TACR1: variants seen among roughly 807,000 people sequenced by gnomAD.
The protein encoded by TACR1 is tachykinin receptor 1.
TACR1 carries 25 observed loss-of-function variants against 35.8 expected under a neutral mutation model. The ratio of observed to expected loss-of-function variants is 0.70; its 90% CI spans 0.51 to 0.98. The LOEUF is 0.98. Among genes scored for constraint, TACR1 ranks in the 50% least tolerant of loss-of-function variants. The pLI is 0.00. For missense variants in TACR1, 478 were observed against 522.9 expected, an observed-to-expected ratio of 0.91 and a Z score of 0.84; for synonymous variants, 195 against 206.7, an observed-to-expected ratio of 0.94 and a Z score of 0.48.
Position 75,114,831 on chromosome 2 carries a change from A to C in TACR1, c.584+5743T>G, listed in dbSNP as rs572216962. Among the ~76,000 whole-genome samples, 4 of 152,310 alleles carry C rather than the reference A, an allele frequency of 2.6e-5. No individual in the cohort carries two copies. The South Asian group carries it at 8.3e-4, about 32-fold the overall frequency. ...CTAATTATTGCAGGACTTAATTACAAATTATGATAATATTATATTAATGAT... is the reference window on the plus strand; with the variant it reads ...CTAATTATTGCAGGACTTAATTACACATTATGATAATATTATATTAATGAT... On this transcript the variant is annotated intron_variant, in intron 2 of 4. Transcript: ENST00000305249.
rs370478663 is a variant in TACR1 at position 75,121,266 on chromosome 2, C to A, written c.390-498G>T. Among the ~76,000 whole-genome samples the A allele has an allele frequency of 4.3e-4, 65 of 152,268 alleles. 1 individual carries two copies. Among genetic ancestry groups the A allele is most frequent in the South Asian group, 3.7e-3 (18 of 4,820 alleles). The stretch of plus-strand genomic sequence containing the variant: ...AGGGGAAGTAAACATGTCTCTGTGA[C>A]AAAGCATTGGCCTAAAGTCAGCAAA... On this transcript the variant is annotated intron_variant, in intron 1 of 4. Coordinates refer to ENST00000305249, the MANE Select transcript of TACR1 (RefSeq NM_001058.4).
At chr2:75,116,651 G>A (rs1291465720) in intron 2 of TACR1, among the ~76,000 whole-genome samples, 6 of 152,152 alleles carry the variant, frequency 3.9e-5, no homozygotes, top group Non-Finnish European at 8.8e-5. Context: ...GCTTATGCCT[G>A]CAATCCCAGC....
Position 75,053,621 on chromosome 2 carries a change from A to T in TACR1, c.719T>A (p.Val240Asp), listed in dbSNP as rs148906237. The T allele has an allele frequency of 2.6e-6, 4 of 1,558,930 alleles. No homozygotes were observed. In the African/African-American group the frequency reaches 4.1e-5, roughly 16 times the overall value. Residue 240 changes from valine to aspartate, a missense_variant, in exon 3 of 5, where the codon GTC becomes GAC. Physicochemically the swap from Val to Asp is radical, Grantham distance 152. Transcript: ENST00000305249. ...GDSSDRYHEQ[V>D]SAKRKVVKMM... The stretch of plus-strand genomic sequence containing the variant: ...CCTGCTCACCTTGCGCTTGGCAGAG[A>T]CTTGCTCGTGGTAGCGGTCAGAGGA...
chr2:75,162,860 AAT>A (rs1675044855), intron 1 of TACR1, among the ~76,000 whole-genome samples: 1 of 152,208 alleles, frequency 6.6e-6, no homozygotes, highest in Non-Finnish European at 1.5e-5. Context: ...TCCCAGTTAC[AAT>A]CTGCTATACT....
At position 75,046,916 on chromosome 2, in the gene TACR1, A is replaced by G. The variant is rs1396597861; in HGVS notation, c.*2516T>C. 2 of 152,358 alleles carry G rather than the reference A, an allele frequency of 1.3e-5. No homozygotes were observed. Among genetic ancestry groups the G allele is most frequent in the Admixed American group, 6.5e-5 (1 of 15,304 alleles). The allele number at this position is 152,358 out of a possible 1,614,324, so 9.4% of individuals were successfully genotyped here. On this transcript the variant is annotated 3_prime_UTR_variant, in exon 5 of 5. Transcript: ENST00000305249. ...TCTATTACTACTGGACATTACACCA[A>G]GTAAACACACTTGGATAAACACAGG...
At chr2:75,162,652 C>T (rs1036747549) in intron 1 of TACR1, among the ~76,000 whole-genome samples, 4 of 152,170 alleles carry the variant, frequency 2.6e-5, no homozygotes, top group Non-Finnish European at 5.9e-5. Flanking sequence ...GAACACAGTT[C>T]CCTGTAATTG....
chr2:75,051,780 G>T (rs1351451961), intron 3 of TACR1, among the ~76,000 whole-genome samples: 3 of 152,206 alleles, frequency 2.0e-5, no homozygotes, highest in Non-Finnish European at 4.4e-5. Context: ...AAACCCTTCA[G>T]ATGATTCTGA....
intron 1 of TACR1, among the ~76,000 whole-genome samples, chr2:75,179,440 C>T (rs996361447): frequency 3.9e-5 from 6 of 152,168 alleles, no homozygotes; most frequent in African/African-American, 1.4e-4. Context: ...CACACATCAG[C>T]CAAATGATCT....
intron 1 of TACR1, among the ~76,000 whole-genome samples, chr2:75,139,933 A>G (rs1674368133): frequency 1.3e-5 from 2 of 152,220 alleles, no homozygotes; most frequent in Admixed American, 6.5e-5. Flanking sequence ...AATGTAGCTC[A>G]TTAATTCTAG....
chr2:75,103,029 C>T (rs1427297489), intron 2 of TACR1, among the ~76,000 whole-genome samples: 1 of 152,174 alleles, frequency 6.6e-6, no homozygotes, highest in Non-Finnish European at 1.5e-5. Context: ...TATTTCTTTA[C>T]ACTAATAAAA....
intron 3 of TACR1, among the ~76,000 whole-genome samples, 156 bp from the exon 4 acceptor site, chr2:75,051,603 A>G (rs1203871085): frequency 6.6e-6 from 1 of 152,134 alleles, no homozygotes; most frequent in Non-Finnish European, 1.5e-5. Context: ...TCTTTACTAT[A>G]TGGTGCTACA....
rs200291656 is a variant in TACR1 at position 75,107,821 on chromosome 2, T to TA, written c.584+12752dup. Among the ~76,000 whole-genome samples, 1,107 of 151,874 alleles carry TA rather than the reference T, an allele frequency of 7.3e-3. 5 individuals are homozygous for TA. Among genetic ancestry groups the TA allele is most frequent in the Admixed American group, 0.011 (171 of 15,248 alleles). ...CAGAAAATGTGCATTTAAACGAACTTAGGTAGGGGGAGAAAAATAAAGATA... is the reference window on the plus strand; with the variant it reads ...CAGAAAATGTGCATTTAAACGAACTTAAGGTAGGGGGAGAAAAATAAAGATA... On this transcript the variant is annotated intron_variant, in intron 2 of 4. Transcript: ENST00000305249.
At chr2:75,051,644 T>C (rs543402502) in intron 3 of TACR1, among the ~76,000 whole-genome samples, 197 bp from the exon 4 acceptor site, 3 of 152,284 alleles carry the variant, frequency 2.0e-5, no homozygotes, top group African/African-American at 4.8e-5. Flanking sequence ...GTTCTCAGAG[T>C]GTGGTCCCAA....
chr2:75,063,765 A>C (rs1049452274), intron 2 of TACR1, among the ~76,000 whole-genome samples: 2 of 152,234 alleles, frequency 1.3e-5, no homozygotes, highest in East Asian at 3.8e-4. Flanking sequence ...ACCGACCTGG[A>C]TTACTCTGGT....
At chr2:75,151,974 A>G (rs1161284077) in intron 1 of TACR1, among the ~76,000 whole-genome samples, 3 of 152,120 alleles carry the variant, frequency 2.0e-5, no homozygotes, top group Admixed American at 6.6e-5. Context: ...TCAGACTTGC[A>G]TGAGCCCTGT....
intron 2 of TACR1, among the ~76,000 whole-genome samples, chr2:75,084,244 T>C (rs1673148553): frequency 1.3e-5 from 2 of 152,260 alleles, no homozygotes. Context: ...GATTTGCATC[T>C]ATTGAACCAG....
chr2:75,125,677 A>G (rs1262644144), intron 1 of TACR1, among the ~76,000 whole-genome samples: 1 of 152,196 alleles, frequency 6.6e-6, no homozygotes, highest in Non-Finnish European at 1.5e-5. Flanking sequence ...CATACATGTT[A>G]TACCTTTATT....
Position 75,049,724 on chromosome 2 carries a change from C to G in TACR1, c.933-1G>C. The G allele has an allele frequency of 1.2e-6, 2 of 1,611,408 alleles. No individual in the cohort carries two copies. Among genetic ancestry groups the G allele is most frequent in the Non-Finnish European group, 1.7e-6 (2 of 1,178,256 alleles). On this transcript the variant is annotated splice_acceptor_variant, in intron 4 of 4. Transcript: ENST00000305249. LOFTEE classifies it high-confidence loss of function. ...GGCATGCTTGAAGCCCAGACGGAACCTGGAGAGCGAGCAGATGAAGAGGTG... is the reference window on the plus strand; with the variant it reads ...GGCATGCTTGAAGCCCAGACGGAACGTGGAGAGCGAGCAGATGAAGAGGTG...
rs1244478625 is a variant in TACR1 at position 75,049,130 on chromosome 2, C to T, written c.*302G>A. The T allele has an allele frequency of 8.4e-6, 3 of 357,906 alleles. No homozygotes were observed. Among genetic ancestry groups the T allele is most frequent in the African/African-American group, 6.2e-5 (3 of 48,644 alleles). The allele number at this position is 357,906 out of a possible 1,614,324, so 22.2% of individuals were successfully genotyped here. A position where few individuals can be genotyped will look rare whatever the true frequency, so the allele number is the denominator to read the frequency against. ...TCCTGAAATGAGCACTCGCATGCAG[C>T]CAAAGTCACTTCCAGAATGGAATGA... On this transcript the variant is annotated 3_prime_UTR_variant, in exon 5 of 5. Coordinates refer to ENST00000305249, the MANE Select transcript of TACR1 (RefSeq NM_001058.4).
Sources: gnomAD v4.1 joint callset for allele counts (sites outside exome capture counted in the v4.1 genomes callset) on GRCh38, gnomAD v4.1.1 for gene constraint, MANE v1.5 for transcripts, NCBI Gene and HGNC (gene_info 2026-07-23, HGNC 2026-07-21) for gene names.